The following COX4I1 variants were observed in gnomAD, a reference collection of about 807,000 sequenced individuals.
COX4I1 encodes cytochrome c oxidase subunit 4 isoform 1, mitochondrial.
COX4I1 carries 18 observed loss-of-function variants against 21.7 expected under a neutral mutation model. The observed-to-expected ratio is 0.83, with a 90% CI of 0.57 to 1.23. The LOEUF is 1.23. Ranked by LOEUF, COX4I1 falls within the 50% of genes most tolerant of loss-of-function variation. The probability of loss-of-function intolerance (pLI) is 0.00; values close to 1 mark genes in which losing one functional copy is unlikely to be tolerated. For synonymous variants in COX4I1, 100 were observed against 81.5 expected, an observed-to-expected ratio of 1.23 and a Z score of -1.23; for missense variants, 238 against 220.7, an observed-to-expected ratio of 1.08 and a Z score of -0.50.
rs770277920 is a variant in COX4I1 at position 85,804,994 on chromosome 16, A to ACC, written c.134_135dup (p.Leu46ProfsTer18). 2 of 1,613,930 alleles carry ACC rather than the reference A, an allele frequency of 1.2e-6. No homozygotes were observed. The highest frequency in any genetic ancestry group is 3.3e-5 in the Admixed American group (2 of 59,980). ...CCAGCTTATATGGATCGGCGTGACC[A>ACC]CCCCTTGCCGGAGGTGGCCCATGTC... On this transcript the variant is annotated frameshift_variant, in exon 3 of 5. Coordinates refer to ENST00000253452, the MANE Select transcript of COX4I1 (RefSeq NM_001861.6). LOFTEE classifies it high-confidence loss of function.
At chr16:85,801,110 A>T (rs1905708791) in intron 1 of COX4I1, 95 bp from the exon 2 acceptor site, 1 of 1,012,360 alleles carries the variant, frequency 9.9e-7, no homozygotes, top group Admixed American at 1.9e-5. Flanking sequence ...GGAGAAGCAA[A>T]CAAAAAAATT....
intron 4 of COX4I1, chr16:85,806,243 C>T (rs1906189867): frequency 3.4e-6 from 2 of 596,412 alleles, no homozygotes. Flanking sequence ...GTTGTGAGGA[C>T]TGCATCTCAA....
intron 1 of COX4I1, among the ~76,000 whole-genome samples, chr16:85,800,086 G>C (rs1300432883): frequency 2.0e-5 from 3 of 152,234 alleles, no homozygotes; most frequent in Admixed American, 1.3e-4. Flanking sequence ...CTCCGCCCTT[G>C]CTCCTTCAAA....
chr16:85,805,931 G>A, intron 4 of COX4I1, 67 bp downstream of exon 4: 1 of 1,601,038 alleles, frequency 6.2e-7, no homozygotes, highest in Non-Finnish European at 8.5e-7. Flanking sequence ...CCCATTGGTG[G>A]GCTGTCGGGG....
chr16:85,804,686 G>A (rs1361028435), intron 2 of COX4I1: 1 of 374,460 alleles, frequency 2.7e-6, no homozygotes, highest in African/African-American at 2.1e-5. Flanking sequence ...AGGAAGTGCT[G>A]CCTCTGGGCA....
At chr16:85,802,215 G>T (rs7198313) in intron 2 of COX4I1, among the ~76,000 whole-genome samples, 1,706 of 152,292 alleles carry the variant, frequency 0.011, 38 homozygotes, top group African/African-American at 0.038. Context: ...GTTGTGGGTG[G>T]TCGCTCCTGT....
At chr16:85,802,171 CT>C (rs1044730814) in intron 2 of COX4I1, among the ~76,000 whole-genome samples, 1 of 152,234 alleles carries the variant, frequency 6.6e-6, no homozygotes, top group Non-Finnish European at 1.5e-5. Context: ...CCCCAGCCCC[CT>C]GGCCTTACTC....
At position 85,804,937 on chromosome 16, in the gene COX4I1, A is replaced by C. The variant is rs1377221613; in HGVS notation, c.74A>C (p.Glu25Ala). The C allele has an allele frequency of 6.3e-7, 1 of 1,599,366 alleles. No individual in the cohort carries two copies. Among genetic ancestry groups the C allele is most frequent in the East Asian group, 2.2e-5 (1 of 44,708 alleles). ...AAGATTTATTCAATATGTTTTTCAG[A>C]AAGTGTTGTGAAGAGCGAAGACTTT... is the stretch of plus-strand genomic sequence containing the variant. ...ISTSVCVRAH[E>A]SVVKSEDFSL... The change falls in exon 3 of 5, where the codon GAA (glutamate) becomes GCA (alanine). Residue 25 changes from glutamate to alanine, a missense_variant and splice_region_variant. By Grantham distance (107) the Glu-to-Ala change is moderately radical. Transcript: ENST00000253452.
In COX4I1 at chr16:85,800,596, CAG is replaced by C. The variant is rs145039479; in HGVS notation, c.-1-606_-1-605del. ...GTGCTTTAATGATCTCTAGCTTTTT[CAG>C]AGTCACCTTGTTAGCATTTTTTCTT... On this transcript the variant is annotated intron_variant, in intron 1 of 4. Coordinates refer to ENST00000253452, the MANE Select transcript of COX4I1 (RefSeq NM_001861.6). Among the ~76,000 whole-genome samples the C allele has an allele frequency of 6.9e-3, 1,054 of 152,302 alleles. 10 individuals are homozygous for C. The highest frequency in any genetic ancestry group is 0.024 in the African/African-American group (987 of 41,572).
intron 2 of COX4I1, chr16:85,804,285 T>C (rs1365053444): frequency 6.6e-6 from 1 of 152,288 alleles, no homozygotes; most frequent in Non-Finnish European, 1.5e-5. Context: ...AGATAGGCTT[T>C]CATTTTGTCC....
chr16:85,800,223 G>T (rs1376083996), intron 1 of COX4I1, among the ~76,000 whole-genome samples: 1 of 152,276 alleles, frequency 6.6e-6, no homozygotes, highest in East Asian at 1.9e-4. Flanking sequence ...AGACGCGGGC[G>T]TTCAGCCCTG....
intron 4 of COX4I1, 188 bp from the exon 5 acceptor site, chr16:85,806,550 C>T (rs942029115): frequency 2.4e-6 from 2 of 830,672 alleles, no homozygotes; most frequent in African/African-American, 3.4e-5. Flanking sequence ...TTTTTACAAA[C>T]AAAGGGCTAA....
intron 2 of COX4I1, 166 bp from the exon 3 acceptor site, chr16:85,804,771 C>A: frequency 1.7e-6 from 1 of 598,104 alleles, no homozygotes; most frequent in Non-Finnish European, 2.8e-6. Context: ...CTTCTGTTCC[C>A]CCTCCACCAC....
intron 4 of COX4I1, 177 bp from the exon 5 acceptor site, chr16:85,806,561 T>C: frequency 2.2e-6 from 2 of 900,418 alleles, no homozygotes; most frequent in South Asian, 2.8e-5. Context: ...AAAGGGCTAA[T>C]TTTAAAATGT....
intron 2 of COX4I1, among the ~76,000 whole-genome samples, chr16:85,802,098 C>A (rs776121672): frequency 6.6e-6 from 1 of 152,182 alleles, no homozygotes; most frequent in African/African-American, 2.4e-5. Context: ...GATCTTATTA[C>A]TGACTGTTGT....
chr16:85,800,623 T>A (rs1905643530), intron 1 of COX4I1, among the ~76,000 whole-genome samples: 1 of 152,188 alleles, frequency 6.6e-6, no homozygotes, highest in Admixed American at 6.5e-5. Context: ...CATTTTTTCT[T>A]CTTGCCTTTT....
intron 2 of COX4I1, among the ~76,000 whole-genome samples, chr16:85,802,442 C>A (rs1423607681): frequency 6.6e-6 from 1 of 152,226 alleles, no homozygotes; most frequent in East Asian, 1.9e-4. Flanking sequence ...TGCCGTATCT[C>A]CAGCACATAG....
intron 4 of COX4I1, chr16:85,806,286 T>G (rs1203069650): frequency 3.3e-6 from 2 of 602,758 alleles, no homozygotes; most frequent in Non-Finnish European, 5.9e-6. Flanking sequence ...ACCTGATAGT[T>G]TGTGTGTGGG....
chr16:85,801,485 C>G (rs932669172), intron 2 of COX4I1, among the ~76,000 whole-genome samples: 1 of 152,138 alleles, frequency 6.6e-6, no homozygotes, highest in South Asian at 2.1e-4. Context: ...TTTGGTTATA[C>G]TGATACTTCC....
Sources: gnomAD v4.1 joint callset for allele counts (sites outside exome capture counted in the v4.1 genomes callset) on GRCh38, gnomAD v4.1.1 for gene constraint, MANE v1.5 for transcripts, NCBI Gene and HGNC (gene_info 2026-07-23, HGNC 2026-07-21) for gene names.